The following CSMD1 variants were observed in gnomAD, a reference collection of about 807,000 sequenced individuals.
The protein encoded by CSMD1 is CUB and Sushi multiple domains 1.
In CSMD1, 213 loss-of-function variants were observed where a neutral mutation model predicts 417.5. That is an observed-to-expected ratio of 0.51 (90% CI 0.46 to 0.57). CSMD1 has a LOEUF of 0.57. Ranked by LOEUF, CSMD1 falls within the 20% of genes least tolerant of loss-of-function variation. The pLI, the probability that CSMD1 is intolerant of heterozygous loss-of-function variation, is 0.00. For missense variants in CSMD1, 6,923 were observed against 4,529.7 expected, an observed-to-expected ratio of 1.53 and a Z score of -15.17; for synonymous variants, 2,862 against 1,736.8, an observed-to-expected ratio of 1.65 and a Z score of -16.11.
At chr8:3,966,975 G>C (rs574288698) in intron 5 of CSMD1, among the ~76,000 whole-genome samples, 3 of 152,328 alleles carry the variant, frequency 2.0e-5, no homozygotes, top group East Asian at 3.9e-4. Flanking sequence ...GTTTTCAGGA[G>C]TGGAGGGTAC....
chr8:4,518,161 G>C (rs144731600), intron 2 of CSMD1, among the ~76,000 whole-genome samples: 231 of 152,236 alleles, frequency 1.5e-3, no homozygotes, highest in Middle Eastern at 0.01. Flanking sequence ...CATAAGACAA[G>C]AAGACAGAGT....
chr8:3,211,657 G>C (rs915880445), intron 30 of CSMD1, among the ~76,000 whole-genome samples: 2 of 152,226 alleles, frequency 1.3e-5, no homozygotes, highest in African/African-American at 4.8e-5. Flanking sequence ...CTTGTCTGGA[G>C]TGACACAGAC....
chr8:4,087,811 A>G (rs17068875), intron 3 of CSMD1, among the ~76,000 whole-genome samples: 42,946 of 151,774 alleles, frequency 0.28, 6,961 homozygotes, highest in African/African-American at 0.44. Context: ...TTATTTTAGC[A>G]TTATTTTCCC....
intron 3 of CSMD1, among the ~76,000 whole-genome samples, chr8:4,121,805 T>G (rs1490649311): frequency 6.6e-6 from 1 of 152,042 alleles, no homozygotes; most frequent in African/African-American, 2.4e-5. Context: ...ATTTTCTAAT[T>G]GTAACTTAGT....
Position 4,289,406 on chromosome 8 carries a change from C to T in CSMD1, c.415+130547G>A, listed in dbSNP as rs939156051. Among the ~76,000 whole-genome samples, 3 of 15,498 alleles carry T rather than the reference C, an allele frequency of 1.9e-4. No homozygotes were observed. The Non-Finnish European group carries it at 3.4e-3, about 18-fold the overall frequency. 10.2% of individuals were successfully genotyped at this position (15,498 alleles called of 152,430 possible). On this transcript the variant is annotated intron_variant, in intron 3 of 69. Coordinates refer to ENST00000635120, the MANE Select transcript of CSMD1 (RefSeq NM_033225.6). ...GATCAATTAGTTAAAGTAGAGGGAG[C>T]CAGGGCCTGTGTTTCTCCTATTTTT... is the stretch of plus-strand genomic sequence containing the variant.
intron 50 of CSMD1, among the ~76,000 whole-genome samples, chr8:3,044,360 T>C (rs983257201): frequency 2.0e-5 from 3 of 148,026 alleles, no homozygotes; most frequent in Admixed American, 1.3e-4. Flanking sequence ...GTGTATACGT[T>C]GTTCTTTACT....
intron 3 of CSMD1, among the ~76,000 whole-genome samples, chr8:4,288,606 C>G (rs988959207): frequency 3.9e-5 from 6 of 152,186 alleles, no homozygotes; most frequent in African/African-American, 1.2e-4. Context: ...GGAGTTCCTG[C>G]CACTGGGTTC....
chr8:3,490,055 T>C (rs1011565857), intron 11 of CSMD1, among the ~76,000 whole-genome samples: 1 of 152,244 alleles, frequency 6.6e-6, no homozygotes, highest in African/African-American at 2.4e-5. Flanking sequence ...CTCAAAAGTA[T>C]TTGTCGATGT....
At chr8:3,353,646 A>G (rs1483384807) in intron 21 of CSMD1, among the ~76,000 whole-genome samples, 5 of 152,234 alleles carry the variant, frequency 3.3e-5, no homozygotes, top group African/African-American at 1.2e-4. Context: ...CCAAAATTTC[A>G]AAAATTATTT....
At chr8:3,021,326 C>A (rs1167307047) in intron 51 of CSMD1, among the ~76,000 whole-genome samples, 1 of 152,052 alleles carries the variant, frequency 6.6e-6, no homozygotes, top group African/African-American at 2.4e-5. Context: ...AATTTCAGAC[C>A]CAGAGTTTCC....
At chr8:3,448,820 C>G (rs1395249943) in intron 12 of CSMD1, among the ~76,000 whole-genome samples, 1 of 152,158 alleles carries the variant, frequency 6.6e-6, no homozygotes, top group African/African-American at 2.4e-5. Flanking sequence ...GTCTAAATGA[C>G]ACAACTTCAT....
intron 1 of CSMD1, among the ~76,000 whole-genome samples, chr8:4,849,066 T>C (rs1176191652): frequency 6.6e-6 from 1 of 152,168 alleles, no homozygotes; most frequent in Non-Finnish European, 1.5e-5. Flanking sequence ...GACCTTCTAG[T>C]GGGACAAAAT....
chr8:4,214,834 T>TA (rs890355091), intron 3 of CSMD1, among the ~76,000 whole-genome samples: 19 of 152,136 alleles, frequency 1.2e-4, no homozygotes, highest in South Asian at 1.2e-3. Flanking sequence ...AAATTTGAAA[T>TA]AAAAAAACTA....
At chr8:3,644,414 C>A (rs1379525378) in intron 7 of CSMD1, among the ~76,000 whole-genome samples, 1 of 152,220 alleles carries the variant, frequency 6.6e-6, no homozygotes, top group Admixed American at 6.5e-5. Context: ...CTCGCATTTA[C>A]AGTTTCCTCA....
rs148670176 is a variant in CSMD1 at position 3,710,410 on chromosome 8, G to A, written c.932-1919C>T. On this transcript the variant is annotated intron_variant, in intron 6 of 69. Transcript: ENST00000635120. ...GCCAAGACTGTGTAAGGCTGGAGAC[G>A]ATCAATGCACCATCTTTAGTATGGT... 8.8e-3 allele frequency among the ~76,000 whole-genome samples: 1,345 copies of A among 152,268 alleles called. 13 individuals carry two copies. The highest frequency in any genetic ancestry group is 0.025 in the South Asian group (119 of 4,824).
At chr8:2,983,195 A>AT (rs1276699926) in intron 54 of CSMD1, among the ~76,000 whole-genome samples, 6 of 151,026 alleles carry the variant, frequency 4.0e-5, no homozygotes, top group Admixed American at 4.0e-4. Flanking sequence ...ATACATATAT[A>AT]TTTTTTTTTG....
chr8:4,312,153 G>A (rs1299721419), intron 3 of CSMD1, among the ~76,000 whole-genome samples: 4 of 151,792 alleles, frequency 2.6e-5, no homozygotes, highest in African/African-American at 7.3e-5. Flanking sequence ...CTTTACACAC[G>A]CTTCCTACGT....
At chr8:4,676,942 G>A (rs1444225036) in intron 1 of CSMD1, among the ~76,000 whole-genome samples, 1 of 146,130 alleles carries the variant, frequency 6.8e-6, no homozygotes, top group African/African-American at 2.5e-5. Context: ...GATATATATA[G>A]AGAAATTATA....
chr8:4,281,317 C>T (rs1208223944), intron 3 of CSMD1, among the ~76,000 whole-genome samples: 2 of 152,176 alleles, frequency 1.3e-5, no homozygotes, highest in African/African-American at 2.4e-5. Context: ...ATAGTAACTG[C>T]GAGAACAGGT....
Sources: gnomAD v4.1 joint callset for allele counts (sites outside exome capture counted in the v4.1 genomes callset) on GRCh38, gnomAD v4.1.1 for gene constraint, MANE v1.5 for transcripts, NCBI Gene and HGNC (gene_info 2026-07-23, HGNC 2026-07-21) for gene names.